NPSR1: variants seen among roughly 807,000 people sequenced by gnomAD.
NPSR1 encodes the protein neuropeptide S receptor 1.
A neutral mutation model predicts 46.9 loss-of-function variants in NPSR1; 48 were observed. The observed-to-expected ratio is 1.02, with a 90% CI of 0.81 to 1.30. NPSR1 has a LOEUF of 1.30. Among genes scored for constraint, NPSR1 ranks in the 50% most tolerant of loss-of-function variants. The pLI is 0.00. For synonymous variants in NPSR1, 176 were observed against 168.1 expected (o/e 1.05, Z -0.36); for missense variants, 450 against 449.5 (o/e 1.00, Z -0.01).
At chr7:34,876,040 T>A (rs1398989543) in intron 8 of NPSR1, among the ~76,000 whole-genome samples, 1 of 152,072 alleles carries the variant, frequency 6.6e-6, no homozygotes. Flanking sequence ...TACAGCAAAC[T>A]TTGCCAGGGA....
At chr7:34,791,246 A>G (rs1206359626) in intron 3 of NPSR1, among the ~76,000 whole-genome samples, 1 of 135,702 alleles carries the variant, frequency 7.4e-6, no homozygotes, top group South Asian at 2.2e-4. Context: ...TATATATGTT[A>G]TATGTTATAT....
intron 2 of NPSR1, among the ~76,000 whole-genome samples, chr7:34,732,242 G>T (rs1431806974): frequency 6.6e-6 from 1 of 152,094 alleles, no homozygotes; most frequent in Non-Finnish European, 1.5e-5. Context: ...CACAGAAAAT[G>T]TCAGCAAGAA....
intron 3 of NPSR1, chr7:34,779,756 GCTT>G (rs1412604933): frequency 9.6e-6 from 3 of 313,114 alleles, no homozygotes; most frequent in African/African-American, 6.5e-5. Flanking sequence ...GCTTTCAATT[GCTT>G]ATTATATTAG....
intron 2 of NPSR1, among the ~76,000 whole-genome samples, chr7:34,705,857 T>C (rs1794078917): frequency 6.6e-6 from 1 of 152,186 alleles, no homozygotes; most frequent in South Asian, 2.1e-4. Context: ...TTTCAATACT[T>C]ATCAAGAGTT....
At chr7:34,660,899 T>C (rs1201386736) in intron 1 of NPSR1, among the ~76,000 whole-genome samples, 1 of 152,194 alleles carries the variant, frequency 6.6e-6, no homozygotes, top group Admixed American at 6.5e-5. Context: ...TGTCACGGAC[T>C]GTACCTCTCT....
chr7:34,874,533 C>T (rs1161095033), intron 8 of NPSR1, among the ~76,000 whole-genome samples: 3 of 151,988 alleles, frequency 2.0e-5, no homozygotes, highest in East Asian at 1.9e-4. Flanking sequence ...GCGCAAGGGC[C>T]GCAATAGTCA....
intron 2 of NPSR1, among the ~76,000 whole-genome samples, chr7:34,775,640 T>A (rs1451908979): frequency 1.3e-5 from 2 of 152,164 alleles, no homozygotes; most frequent in Non-Finnish European, 2.9e-5. Context: ...TTAGTCTGGC[T>A]AAAGGTTTGT....
chr7:34,696,083 A>T lies in NPSR1; in HGVS notation c.280+11399A>T, dbSNP rs950177043. Among the ~76,000 whole-genome samples, 435 of 151,656 alleles carry T rather than the reference A, an allele frequency of 2.9e-3. 2 individuals are homozygous for T. Among genetic ancestry groups the T allele is most frequent in the African/African-American group, 0.01 (423 of 41,454 alleles). ...TCCAGCAATGGTTGATTTGATAAAAAAAAAAAAAAAAAAAACTGCGGTATA... is the reference window on the plus strand; with the variant it reads ...TCCAGCAATGGTTGATTTGATAAAATAAAAAAAAAAAAAAACTGCGGTATA... On this transcript the variant is annotated intron_variant, in intron 2 of 8. Transcript: ENST00000360581.
chr7:34,693,694 C>CA (rs1258670755), intron 2 of NPSR1, among the ~76,000 whole-genome samples: 1 of 151,970 alleles, frequency 6.6e-6, no homozygotes, highest in Non-Finnish European at 1.5e-5. Flanking sequence ...AACAACAATA[C>CA]AAAAAAACCC....
intron 5 of NPSR1, among the ~76,000 whole-genome samples, chr7:34,832,372 A>C (rs1384390943): frequency 6.6e-6 from 1 of 152,090 alleles, no homozygotes; most frequent in African/African-American, 2.4e-5. Flanking sequence ...GTCTCTATAA[A>C]ATATACAAAA....
chr7:34,838,033 C>A (rs924186220), intron 6 of NPSR1, among the ~76,000 whole-genome samples: 1 of 152,134 alleles, frequency 6.6e-6, no homozygotes, highest in African/African-American at 2.4e-5. Flanking sequence ...CTCCTCCCTG[C>A]TTGTCCCTCT....
intron 8 of NPSR1, among the ~76,000 whole-genome samples, chr7:34,858,656 A>G (rs1791110840): frequency 6.6e-6 from 1 of 151,846 alleles, no homozygotes; most frequent in South Asian, 2.1e-4. Flanking sequence ...GAAGGCAAGG[A>G]GGAGCAAGTC....
chr7:34,801,712 T>C (rs1788424604), intron 3 of NPSR1, among the ~76,000 whole-genome samples: 1 of 147,480 alleles, frequency 6.8e-6, no homozygotes, highest in Non-Finnish European at 1.5e-5. Context: ...TTGGAAGTTC[T>C]GGCCAGGGCA....
At chr7:34,675,900 C>A (rs1379351736) in intron 1 of NPSR1, among the ~76,000 whole-genome samples, 1 of 152,220 alleles carries the variant, frequency 6.6e-6, no homozygotes, top group Non-Finnish European at 1.5e-5. Flanking sequence ...TTTCTTATTT[C>A]CACTCAGTAT....
chr7:34,872,584 A>T (rs1791483693), intron 8 of NPSR1, among the ~76,000 whole-genome samples: 1 of 151,836 alleles, frequency 6.6e-6, no homozygotes. Context: ...TGATCTATTC[A>T]GGAAAAAGGG....
In NPSR1 at chr7:34,834,476, G is replaced by T; in HGVS notation, c.757+16G>T. ...AACTGCTCAGGTAAGTCTCTACTCT[G>T]CATGGCCCAATTCTTGGCTAATTTG... On this transcript the variant is annotated intron_variant, in intron 6 of 8. Transcript: ENST00000360581. The T allele has an allele frequency of 6.4e-7, 1 of 1,574,172 alleles. No homozygotes were observed. Among genetic ancestry groups the T allele is most frequent in the Non-Finnish European group, 8.7e-7 (1 of 1,143,992 alleles).
intron 1 of NPSR1, among the ~76,000 whole-genome samples, chr7:34,666,488 T>C (rs1349655321): frequency 2.6e-5 from 4 of 152,164 alleles, no homozygotes; most frequent in East Asian, 1.9e-4. Context: ...GGCATTCTGA[T>C]GTCCCCCTGA....
intron 3 of NPSR1, among the ~76,000 whole-genome samples, chr7:34,796,313 T>C (rs904666281): frequency 2.0e-5 from 3 of 151,972 alleles, no homozygotes; most frequent in Non-Finnish European, 4.4e-5. Flanking sequence ...GCATGATCCA[T>C]GAAAAAAAGA....
chr7:34,875,249 T>C (rs1791547223), intron 8 of NPSR1, among the ~76,000 whole-genome samples: 1 of 152,204 alleles, frequency 6.6e-6, no homozygotes, highest in Non-Finnish European at 1.5e-5. Flanking sequence ...CCTGAGCCTT[T>C]GCTAGTAAAA....
Sources: gnomAD v4.1 joint callset for allele counts (sites outside exome capture counted in the v4.1 genomes callset) on GRCh38, gnomAD v4.1.1 for gene constraint, MANE v1.5 for transcripts, NCBI Gene and HGNC (gene_info 2026-07-23, HGNC 2026-07-21) for gene names.